Variants in ATG16L2 observed in about 807,000 individuals in gnomAD.
ATG16L2 encodes autophagy related 16 like 2, also known as protein Atg16l2.
A neutral mutation model predicts 84.7 loss-of-function variants in ATG16L2; 77 were observed. The observed-to-expected ratio is 0.91, with a 90% CI of 0.76 to 1.10. The LOEUF (loss-of-function observed/expected upper bound fraction) is 1.10, where lower values mean the gene tolerates loss of function less well. Ranked by LOEUF, ATG16L2 falls within the 50% of genes least tolerant of loss-of-function variation. The pLI, the probability that ATG16L2 is intolerant of heterozygous loss-of-function variation, is 0.00. For missense variants in ATG16L2, 782 were observed against 817.6 expected (o/e 0.96, Z 0.53); for synonymous variants, 361 against 342.8 (o/e 1.05, Z -0.59).
chr11:72,843,343 T>C (rs1361403976), exon 6 of ATG16L2: 1 of 1,606,926 alleles, frequency 6.2e-7, no homozygotes, highest in East Asian at 2.2e-5. Flanking sequence ...GTAAAAGACA[T>C]GTGACAAAAC....
chr11:72,841,626 G>A, intron 5 of ATG16L2: 4 of 1,540,586 alleles, frequency 2.6e-6, no homozygotes, highest in Non-Finnish European at 3.5e-6. Context: ...TCCCCTCCAG[G>A]AAGGAGAGCC....
At chr11:72,831,674 CG>C, downstream of ATG16L2, among the ~76,000 whole-genome samples, 1 of 152,314 alleles carries the variant, frequency 6.6e-6, no homozygotes, top group South Asian at 2.1e-4. Flanking sequence ...AGGCCATTCC[CG>C]TTTCCAGGGA....
Position 72,823,522 on chromosome 11 carries a change from C to G in ATG16L2, c.825-538C>G, listed in dbSNP as rs1386012459. The G allele has an allele frequency of 4.2e-5, 16 of 380,880 alleles. No individual in the cohort carries two copies. The Admixed American group carries it at 5.6e-4, about 13-fold the overall frequency. The allele number at this position is 380,880 out of a possible 1,614,324, so 23.6% of individuals were successfully genotyped here. A position where few individuals can be genotyped will look rare whatever the true frequency, so the allele number is the denominator to read the frequency against. On this transcript the variant is annotated intron_variant, in intron 7 of 17. Transcript: ENST00000321297. Reference sequence around the variant, plus strand: ...GGCTGCCCGCTCTGGGCGCCATTCCCCAGCCTAACACCTCTTCTCAGTCTT... The same window carrying G: ...GGCTGCCCGCTCTGGGCGCCATTCCGCAGCCTAACACCTCTTCTCAGTCTT...
At chr11:72,820,538 G>C (rs2135087548) in intron 3 of ATG16L2, among the ~76,000 whole-genome samples, 1 of 152,350 alleles carries the variant, frequency 6.6e-6, no homozygotes, top group East Asian at 1.9e-4. Flanking sequence ...AGATTGCTCA[G>C]TGGTGAAAAG....
Position 72,822,667 on chromosome 11 carries a change from G to A in ATG16L2, c.710+124G>A. 2 of 1,300,638 alleles carry A rather than the reference G, an allele frequency of 1.5e-6. No homozygotes were observed. Among genetic ancestry groups the A allele is most frequent in the Non-Finnish European group, 2.1e-6 (2 of 942,444 alleles). The allele number at this position is 1,300,638 out of a possible 1,614,324, so 80.6% of individuals were successfully genotyped here. ...GTCCTGAGGCCCCCATGTGGTCGGA[G>A]CCCACGAGACACCTGCAGAGGACCG... On this transcript the variant is annotated intron_variant, in intron 6 of 17. Transcript: ENST00000321297. The surrounding 1 kb of genome is among the most constrained non-coding windows in gnomAD (Gnocchi z 4.2).
At chr11:72,825,472 C>A in intron 10 of ATG16L2, 65 bp downstream of exon 10, 1 of 1,257,590 alleles carries the variant, frequency 8.0e-7, no homozygotes, top group Non-Finnish European at 1.2e-6. Flanking sequence ...CAGCTCACTC[C>A]TTGGTGGGCA....
Position 72,822,688 on chromosome 11 carries a change from G to A in ATG16L2, c.710+145G>A. On this transcript the variant is annotated intron_variant, in intron 6 of 17. Transcript: ENST00000321297. The surrounding 1 kb of genome is among the most constrained non-coding windows in gnomAD (Gnocchi z 4.2). ...CGGAGCCCACGAGACACCTGCAGAG[G>A]ACCGTGTGGTCGTAGGAGCCTGCAT... 3.4e-6 allele frequency: 4 copies of A among 1,177,192 alleles called. No homozygotes were observed. The highest frequency in any genetic ancestry group is 4.8e-6 in the Non-Finnish European group (4 of 833,568). The allele number at this position is 1,177,192 out of a possible 1,614,324, so 72.9% of individuals were successfully genotyped here. A position where few individuals can be genotyped will look rare whatever the true frequency, so the allele number is the denominator to read the frequency against.
chr11:72,842,456 C>T (rs975052536), intron 5 of ATG16L2, among the ~76,000 whole-genome samples: 1 of 152,246 alleles, frequency 6.6e-6, no homozygotes, highest in Non-Finnish European at 1.5e-5. Context: ...AAGGGACTGA[C>T]TGACAAGTCT....
intron 17 of ATG16L2, 105 bp downstream of exon 17, chr11:72,829,089 A>G: frequency 8.0e-7 from 1 of 1,249,598 alleles, no homozygotes; most frequent in Non-Finnish European, 1.2e-6. Flanking sequence ...TTGTCCCTCC[A>G]CCTTCCACCC....
rs536695784 is a variant in ATG16L2 at position 72,817,032 on chromosome 11, C to T, written c.218+205C>T. Among the ~76,000 whole-genome samples, 173 of 152,268 alleles carry T rather than the reference C, an allele frequency of 1.1e-3. 1 individual carries two copies. The highest frequency in any genetic ancestry group is 4.1e-3 in the African/African-American group (169 of 41,546). On this transcript the variant is annotated intron_variant, in intron 2 of 17. Transcript: ENST00000321297. The stretch of plus-strand genomic sequence containing the variant: ...AGGACAGCTGTTTAGAATCTCTTTC[C>T]CCTCCACCTTTCTTTGTCCATCTCT...
At position 72,829,505 on chromosome 11, in the gene ATG16L2, A is replaced by G. The variant is rs562760783; in HGVS notation, c.*115A>G. On this transcript the variant is annotated 3_prime_UTR_variant, in exon 18 of 18. Coordinates refer to ENST00000321297, the MANE Select transcript of ATG16L2 (RefSeq NM_033388.2). ...CTGGCCTTGGGATTTAATGGGGAAG[A>G]AGGCCTGGCAGGACCTGGCCTGTTT... The G allele has an allele frequency of 7.6e-6, 11 of 1,455,684 alleles. No individual in the cohort carries two copies. Among genetic ancestry groups the G allele is most frequent in the Admixed American group, 5.1e-5 (2 of 39,554 alleles). The allele number at this position is 1,455,684 out of a possible 1,614,324, so 90.2% of individuals were successfully genotyped here. A position where few individuals can be genotyped will look rare whatever the true frequency, so the allele number is the denominator to read the frequency against.
intron 14 of ATG16L2, among the ~76,000 whole-genome samples, chr11:72,827,958 C>A (rs949906321): frequency 6.6e-6 from 1 of 152,008 alleles, no homozygotes; most frequent in East Asian, 1.9e-4. Flanking sequence ...AAACCAAAAA[C>A]AAAACAAAAC....
rs1860339663 is a variant in ATG16L2 at position 72,826,194 on chromosome 11, C to T, written c.1124C>T (p.Thr375Ile). 2 of 1,613,758 alleles carry T rather than the reference C, an allele frequency of 1.2e-6. No individual in the cohort carries two copies. Among genetic ancestry groups the T allele is most frequent in the African/African-American group, 1.3e-5 (1 of 74,932 alleles). Residue 375 changes from threonine to isoleucine, a missense_variant, in exon 11 of 18, where the codon ACC becomes ATC. By Grantham distance (89) the Thr-to-Ile change is moderately conservative (BLOSUM62 -1). Coordinates refer to ENST00000321297, the MANE Select transcript of ATG16L2 (RefSeq NM_033388.2). ...VVGSRLEANQ[T>I]LEGAGGSITS... ...CCAGGTCGCCTGGAGGCCAACCAGA[C>T]CCTGGAGGGAGCTGGTGGCAGCATC...
At chr11:72,830,905 TAGG>T (rs2135130823), downstream of ATG16L2, among the ~76,000 whole-genome samples, 1 of 152,356 alleles carries the variant, frequency 6.6e-6, no homozygotes, top group Admixed American at 6.5e-5. Context: ...GCTGGGCCTA[TAGG>T]TGCATGCCAC....
intron 17 of ATG16L2, 81 bp from the exon 18 acceptor site, chr11:72,829,222 C>A: frequency 6.8e-7 from 1 of 1,480,916 alleles, no homozygotes; most frequent in South Asian, 1.2e-5. Context: ...TCAAACTACC[C>A]AGGTCCAGCA....
chr11:72,822,320 C>T lies in ATG16L2; in HGVS notation c.644+25C>T. On this transcript the variant is annotated intron_variant, in intron 5 of 17. Coordinates refer to ENST00000321297, the MANE Select transcript of ATG16L2 (RefSeq NM_033388.2). The surrounding 1 kb of genome is among the most constrained non-coding windows in gnomAD (Gnocchi z 4.2). ...GGTGAGGGAGCAGGCCCCGCCCCTC[C>T]TGAGGAAAGGCCCCGCCCCTGCAGG... 1.3e-6 allele frequency: 2 copies of T among 1,524,262 alleles called. No homozygotes were observed. Among genetic ancestry groups the T allele is most frequent in the Non-Finnish European group, 1.8e-6 (2 of 1,141,290 alleles). The allele number at this position is 1,524,262 out of a possible 1,614,324, so 94.4% of individuals were successfully genotyped here. A position where few individuals can be genotyped will look rare whatever the true frequency, so the allele number is the denominator to read the frequency against.
chr11:72,824,708 C>T, intron 8 of ATG16L2, 26 bp from the exon 9 acceptor site: 1 of 1,592,390 alleles, frequency 6.3e-7, no homozygotes, highest in Non-Finnish European at 8.6e-7. Context: ...TGAATGCCCT[C>T]CTGACCCCAA....
rs1565263233 is a variant in ATG16L2 at position 72,821,750 on chromosome 11, C to T, written c.392+9C>T. ...CAGCAGAGGCAAAGCAGGTGAGGCG[C>T]GGGCGGGGGCGGGAGGGACCGCGCC... On this transcript the variant is annotated intron_variant, in intron 4 of 17. Coordinates refer to ENST00000321297, the MANE Select transcript of ATG16L2 (RefSeq NM_033388.2). 2.1e-6 allele frequency: 3 copies of T among 1,434,504 alleles called. No individual in the cohort carries two copies. Among genetic ancestry groups the T allele is most frequent in the East Asian group, 5.2e-5 (2 of 38,646 alleles). The allele number at this position is 1,434,504 out of a possible 1,614,324, so 88.9% of individuals were successfully genotyped here.
At chr11:72,833,124 G>C (rs1860642192), downstream of ATG16L2, among the ~76,000 whole-genome samples, 1 of 152,208 alleles carries the variant, frequency 6.6e-6, no homozygotes, top group African/African-American at 2.4e-5. Context: ...TCAGTCTGCT[G>C]TTGCGCTGAG....
Sources: gnomAD v4.1 joint callset for allele counts (sites outside exome capture counted in the v4.1 genomes callset) on GRCh38, gnomAD v4.1.1 for gene constraint, Gnocchi (gnomAD v3.1) non-coding constraint, MANE v1.5 for transcripts, NCBI Gene and HGNC (gene_info 2026-07-23, HGNC 2026-07-21) for gene names.